The following STX17 variants were observed in gnomAD, a reference collection of about 807,000 sequenced individuals.
STX17 encodes the protein syntaxin 17, also known as syntaxin-17.
Under a neutral mutation model 35.9 loss-of-function variants are expected in STX17, and 29 were observed. The observed-to-expected ratio is 0.81, with a 90% CI of 0.60 to 1.10. The LOEUF (loss-of-function observed/expected upper bound fraction) is 1.10, where lower values mean the gene tolerates loss of function less well. STX17 is among the 50% of genes least tolerant of loss of function. The pLI is 0.00. For synonymous variants in STX17, 92 were observed against 118.3 expected, an observed-to-expected ratio of 0.78 and a Z score of 1.44; for missense variants, 312 against 352.3, an observed-to-expected ratio of 0.89 and a Z score of 0.92.
intron 2 of STX17, among the ~76,000 whole-genome samples, chr9:99,918,915 T>C (rs1294882285): frequency 1.3e-5 from 2 of 152,108 alleles, no homozygotes; most frequent in African/African-American, 4.8e-5. Context: ...GTGGATATAG[T>C]ATGAATTTTG....
In STX17 at chr9:99,968,769, A is replaced by C; in HGVS notation, c.*96A>C. On this transcript the variant is annotated 3_prime_UTR_variant, in exon 8 of 8. Coordinates refer to ENST00000259400, the MANE Select transcript of STX17 (RefSeq NM_017919.3). Reference sequence around the variant, plus strand: ...TCACCTTTTGGAACACAAGTATATCAAGATAGTGGCTACTGATGTTCAAGT... The same window carrying C: ...TCACCTTTTGGAACACAAGTATATCCAGATAGTGGCTACTGATGTTCAAGT... 1.1e-5 allele frequency: 16 copies of C among 1,508,808 alleles called. No individual in the cohort carries two copies. Among genetic ancestry groups the C allele is most frequent in the Non-Finnish European group, 1.4e-5 (16 of 1,120,090 alleles). 93.5% of individuals were successfully genotyped at this position (1,508,808 alleles called of 1,614,324 possible). A position where few individuals can be genotyped will look rare whatever the true frequency, so the allele number is the denominator to read the frequency against.
chr9:99,907,307 C>A (rs1828571630), intron 1 of STX17: 1 of 152,234 alleles, frequency 6.6e-6, no homozygotes, highest in Admixed American at 6.5e-5. Context: ...GGTATCTCTT[C>A]CATAAGTCAG....
intron 2 of STX17, among the ~76,000 whole-genome samples, chr9:99,928,536 A>G (rs1389614459): frequency 6.6e-6 from 1 of 152,124 alleles, no homozygotes. Flanking sequence ...TTTTCAGTAA[A>G]ATAAAATAAC....
chr9:99,939,005 G>C (rs995752988), intron 3 of STX17, among the ~76,000 whole-genome samples: 1 of 152,116 alleles, frequency 6.6e-6, no homozygotes, highest in Non-Finnish European at 1.5e-5. Context: ...TCCCAGTTCC[G>C]TAAGCACACA....
intron 2 of STX17, among the ~76,000 whole-genome samples, chr9:99,925,973 A>T (rs541236584): frequency 4.6e-5 from 7 of 151,528 alleles, no homozygotes; most frequent in African/African-American, 1.7e-4. Flanking sequence ...TGTTGTTTTC[A>T]TTTGGCCCAT....
At chr9:99,934,830 C>A (rs1245913528) in intron 3 of STX17, among the ~76,000 whole-genome samples, 1 of 152,064 alleles carries the variant, frequency 6.6e-6, no homozygotes, top group Non-Finnish European at 1.5e-5. Flanking sequence ...TCATTAAATA[C>A]ATAATTAGCC....
At position 99,959,937 on chromosome 9, in the gene STX17, G is replaced by GCTGAAGC; in HGVS notation, c.437_443dup (p.Ser149Ter). On this transcript the variant is annotated frameshift_variant, in exon 5 of 8. Transcript: ENST00000259400. LOFTEE classifies it high-confidence loss of function. ...TCCAGGAGCATTTCATACTACTGAA[G>GCTGAAGC]CTGAAGCTAGTTCTCAGAGTTTGAC... The GCTGAAGC allele has an allele frequency of 6.2e-7, 1 of 1,613,298 alleles. No individual in the cohort carries two copies. The highest frequency in any genetic ancestry group is 8.5e-7 in the Non-Finnish European group (1 of 1,179,734).
intron 3 of STX17, chr9:99,929,238 T>TG: frequency 6.4e-6 from 1 of 155,644 alleles, no homozygotes; most frequent in East Asian, 1.9e-4. Context: ...TTTTTTTTTT[T>TG]TTTGTTAATT....
chr9:99,921,277 G>A (rs965857720), intron 2 of STX17, among the ~76,000 whole-genome samples: 2 of 152,066 alleles, frequency 1.3e-5, no homozygotes, highest in Admixed American at 1.3e-4. Context: ...TATACTGACA[G>A]CTTTTTAAAT....
intron 2 of STX17, among the ~76,000 whole-genome samples, chr9:99,918,571 TTCTC>T (rs992029179): frequency 9.9e-5 from 15 of 151,878 alleles, no homozygotes; most frequent in Admixed American, 3.3e-4. Context: ...TTTTTCTTTC[TTCTC>T]TCTCTCTCTT....
intron 6 of STX17, among the ~76,000 whole-genome samples, chr9:99,963,005 TAAGCTTAATGAGGAATAGAAAA>T (rs544708308): frequency 2.6e-5 from 4 of 152,310 alleles, no homozygotes; most frequent in African/African-American, 9.6e-5. Flanking sequence ...AGCACTGTGC[TAAGCTTAATGAGGAATAGAAAA>T]AAGCATTTAA....
chr9:99,950,674 C>G (rs1435922674), intron 3 of STX17, among the ~76,000 whole-genome samples: 1 of 151,534 alleles, frequency 6.6e-6, no homozygotes, highest in South Asian at 2.1e-4. Flanking sequence ...AAGGGAGAAG[C>G]CTTATATATG....
At chr9:99,956,166 A>G (rs1829707050) in intron 4 of STX17, among the ~76,000 whole-genome samples, 1 of 152,150 alleles carries the variant, frequency 6.6e-6, no homozygotes, top group Non-Finnish European at 1.5e-5. Flanking sequence ...TAAGATGCAT[A>G]CGTAGTTTGG....
chr9:99,925,231 T>G (rs895968027), intron 2 of STX17, among the ~76,000 whole-genome samples: 3 of 152,154 alleles, frequency 2.0e-5, no homozygotes, highest in African/African-American at 7.2e-5. Context: ...GTTATATATT[T>G]CACTTCACAT....
chr9:99,956,497 G>A (rs1829714337), intron 4 of STX17, among the ~76,000 whole-genome samples: 1 of 152,090 alleles, frequency 6.6e-6, no homozygotes, highest in South Asian at 2.1e-4. Flanking sequence ...GAAATATTAA[G>A]TAGAAGAAAG....
chr9:99,952,826 A>G (rs997153638), intron 4 of STX17, among the ~76,000 whole-genome samples: 1 of 149,590 alleles, frequency 6.7e-6, no homozygotes, highest in Non-Finnish European at 1.5e-5. Context: ...TGGGAATTGA[A>G]CAATGAGAAC....
chr9:99,966,798 T>C (rs1269571989), intron 6 of STX17, among the ~76,000 whole-genome samples: 1 of 152,244 alleles, frequency 6.6e-6, no homozygotes. Flanking sequence ...AAAATGGGAA[T>C]GTGTTCCTAC....
intron 3 of STX17, among the ~76,000 whole-genome samples, chr9:99,950,444 G>A (rs2118479588): frequency 6.6e-6 from 1 of 151,838 alleles, no homozygotes; most frequent in Admixed American, 6.6e-5. Context: ...TACTAATATA[G>A]TAAATTAGGA....
intron 4 of STX17, chr9:99,954,003 T>TCTCCATA (rs1829658650): frequency 6.6e-6 from 1 of 151,890 alleles, no homozygotes; most frequent in Non-Finnish European, 1.5e-5. Context: ...GGAAGCTGAT[T>TCTCCATA]GGTATATAAA....
Sources: allele counts gnomAD v4.1 joint callset (sites outside exome capture counted in the v4.1 genomes callset), GRCh38; gene constraint gnomAD v4.1.1; transcripts MANE v1.5; gene names NCBI Gene and HGNC (gene_info 2026-07-23, HGNC 2026-07-21).